The following CYLD variants were observed in gnomAD, a reference collection of about 807,000 sequenced individuals.
The protein encoded by CYLD is CYLD lysine 63 deubiquitinase.
Under a neutral mutation model 104.5 loss-of-function variants are expected in CYLD, and 26 were observed. That is an observed-to-expected ratio of 0.25 (90% CI 0.18 to 0.35). The LOEUF is 0.35. Ranked by LOEUF, CYLD falls within the 10% of genes least tolerant of loss-of-function variation. The probability of loss-of-function intolerance (pLI) is 1.00; values close to 1 mark genes in which losing one functional copy is unlikely to be tolerated. For missense variants in CYLD, 703 were observed against 1,136.1 expected (o/e 0.62, Z 5.48); for synonymous variants, 385 against 399.9 (o/e 0.96, Z 0.45).
chr16:50,745,195 A>G (rs969926864), intron 2 of CYLD, among the ~76,000 whole-genome samples: 6 of 152,030 alleles, frequency 3.9e-5, no homozygotes, highest in Non-Finnish European at 8.8e-5. Flanking sequence ...TTCTCCCTTC[A>G]CACTGACCCC....
chr16:50,752,701 T>G (rs1436123101), intron 4 of CYLD, among the ~76,000 whole-genome samples: 6 of 152,192 alleles, frequency 3.9e-5, no homozygotes. Context: ...CTAACCACAA[T>G]TTCTTCTGAT....
chr16:50,780,617 C>CA (rs1286037466), intron 9 of CYLD, among the ~76,000 whole-genome samples: 2 of 152,192 alleles, frequency 1.3e-5, no homozygotes, highest in Admixed American at 1.3e-4. Context: ...CTCCTGGGCT[C>CA]AAGCTATTCT....
intron 5 of CYLD, among the ~76,000 whole-genome samples, chr16:50,767,570 A>T (rs1296036491): frequency 1.3e-5 from 2 of 151,904 alleles, no homozygotes; most frequent in Non-Finnish European, 2.9e-5. Context: ...TACCTACCTT[A>T]ATTGCATTTC....
intron 14 of CYLD, among the ~76,000 whole-genome samples, chr16:50,789,016 G>T (rs1040898785): frequency 2.0e-5 from 3 of 152,088 alleles, no homozygotes; most frequent in Non-Finnish European, 4.4e-5. Context: ...CATACTTCAG[G>T]AAAGTGGATT....
chr16:50,791,216 AT>A (rs1274099290), intron 14 of CYLD, among the ~76,000 whole-genome samples: 2 of 152,208 alleles, frequency 1.3e-5, no homozygotes, highest in Admixed American at 6.5e-5. Context: ...TGCTTTCTAG[AT>A]TTGGGCAGTG....
At chr16:50,757,787 C>T (rs551300274) in intron 5 of CYLD, among the ~76,000 whole-genome samples, 6 of 152,180 alleles carry the variant, frequency 3.9e-5, no homozygotes, top group Non-Finnish European at 7.3e-5. Flanking sequence ...CCACCCGCCT[C>T]GGCCTCCCAA....
At chr16:50,793,730 C>G in intron 17 of CYLD, 66 bp downstream of exon 17, 3 of 1,061,382 alleles carry the variant, frequency 2.8e-6, no homozygotes, top group Non-Finnish European at 4.4e-6. Context: ...GTTGAAAACA[C>G]AATGCTCGTT....
chr16:50,750,765 T>G (rs1241868178), intron 3 of CYLD, among the ~76,000 whole-genome samples: 1 of 152,198 alleles, frequency 6.6e-6, no homozygotes, highest in Non-Finnish European at 1.5e-5. Context: ...CATAAAAAAT[T>G]GTTAATTACC....
At chr16:50,791,421 T>C in intron 14 of CYLD, 137 bp from the exon 15 acceptor site, 1 of 798,586 alleles carries the variant, frequency 1.3e-6, no homozygotes, top group Non-Finnish European at 2.1e-6. Flanking sequence ...TATTTCTCTC[T>C]GTTGTTCTGA....
chr16:50,786,031 C>G (rs1970779336), intron 12 of CYLD: 1 of 152,146 alleles, frequency 6.6e-6, no homozygotes, highest in African/African-American at 2.4e-5. Flanking sequence ...TTTAGAATTA[C>G]AAATTTAAAG....
rs1234576520 is a variant in CYLD at position 50,799,617 on chromosome 16, T to C, written c.*3109T>C. The C allele has an allele frequency of 1.3e-5, 3 of 233,520 alleles. No homozygotes were observed. The highest frequency in any genetic ancestry group is 2.2e-5 in the African/African-American group (1 of 45,332). 14.5% of individuals were successfully genotyped at this position (233,520 alleles called of 1,614,324 possible). ...TCTTCCTATCCCTAGGATTCCTTTA[T>C]TATTTTTTTTCACAGATTTTGAGAA... On this transcript the variant is annotated 3_prime_UTR_variant, in exon 19 of 19. Transcript: ENST00000427738.
rs1342750089 is a variant in CYLD at position 50,801,686 on chromosome 16, C to T, written c.*5178C>T. 1 of 233,298 alleles carries T rather than the reference C, an allele frequency of 4.3e-6. No individual in the cohort carries two copies. Among genetic ancestry groups the T allele is most frequent in the African/African-American group, 2.2e-5 (1 of 45,326 alleles). 14.5% of individuals were successfully genotyped at this position (233,298 alleles called of 1,614,324 possible). A position where few individuals can be genotyped will look rare whatever the true frequency, so the allele number is the denominator to read the frequency against. On this transcript the variant is annotated 3_prime_UTR_variant, in exon 19 of 19. Coordinates refer to ENST00000427738, the MANE Select transcript of CYLD (RefSeq NM_001378743.1). ...CTTAGTAGATTGGTAGAAAGGGGCT[C>T]ATTTTCTACTGCATTTCCCATTTTT...
At chr16:50,782,517 C>T (rs1282277822) in intron 11 of CYLD, 51 bp downstream of exon 11, 2 of 1,589,132 alleles carry the variant, frequency 1.3e-6, no homozygotes, top group Non-Finnish European at 1.7e-6. Flanking sequence ...GAGGCAGGGA[C>T]ACATACCGGT....
intron 12 of CYLD, chr16:50,785,604 C>T (rs574548328): frequency 1.3e-5 from 2 of 152,266 alleles, no homozygotes; most frequent in South Asian, 4.1e-4. Flanking sequence ...ATGTTAACAC[C>T]TCCTTCCTAG....
intron 2 of CYLD, chr16:50,744,907 T>C (rs1596949180): frequency 6.6e-6 from 1 of 152,484 alleles, no homozygotes; most frequent in East Asian, 1.9e-4. Context: ...ATCAACAAGC[T>C]CAGATAACCA....
chr16:50,744,206 A>C (rs1170368715), intron 2 of CYLD, among the ~76,000 whole-genome samples: 2 of 150,592 alleles, frequency 1.3e-5, no homozygotes, highest in African/African-American at 4.9e-5. Flanking sequence ...TTTTTTTTTT[A>C]ACCTTATAAA....
chr16:50,775,187 A>T lies in CYLD; in HGVS notation c.922+13A>T. The T allele has an allele frequency of 2.5e-6, 4 of 1,595,550 alleles. No individual in the cohort carries two copies. Among genetic ancestry groups the T allele is most frequent in the Non-Finnish European group, 2.5e-6 (3 of 1,176,860 alleles). On this transcript the variant is annotated intron_variant, in intron 6 of 18. Transcript: ENST00000427738. ...ACAGCTTTATCAGGTATGACTCCTA[A>T]GTGTCGTGTTGGACTCCACGGATGT... is the stretch of plus-strand genomic sequence containing the variant.
At chr16:50,762,856 C>CA (rs1555506548) in intron 5 of CYLD, among the ~76,000 whole-genome samples, 2 of 151,374 alleles carry the variant, frequency 1.3e-5, no homozygotes, top group Non-Finnish European at 1.5e-5. Flanking sequence ...ATACAATTGA[C>CA]TTTTTTTTTA....
chr16:50,787,246 G>T, intron 13 of CYLD: 1 of 367,932 alleles, frequency 2.7e-6, no homozygotes, highest in Non-Finnish European at 5.1e-6. Flanking sequence ...TCTCTCTTGT[G>T]GTGCAGAGTT....
Sources: gnomAD v4.1 joint callset for allele counts (sites outside exome capture counted in the v4.1 genomes callset) on GRCh38, gnomAD v4.1.1 for gene constraint, MANE v1.5 for transcripts, NCBI Gene and HGNC (gene_info 2026-07-23, HGNC 2026-07-21) for gene names.